The following THBS4 variants were observed in gnomAD, a reference collection of about 807,000 sequenced individuals.
The protein encoded by THBS4 is thrombospondin-4.
In THBS4, 90 loss-of-function variants were observed where a neutral mutation model predicts 115.7. The observed-to-expected ratio is 0.78, with a 90% CI of 0.66 to 0.93. The LOEUF (loss-of-function observed/expected upper bound fraction) is 0.93, where lower values mean the gene tolerates loss of function less well. Ranked by LOEUF, THBS4 falls within the 40% of genes least tolerant of loss-of-function variation. The probability of loss-of-function intolerance (pLI) is 0.00; values close to 1 mark genes in which losing one functional copy is unlikely to be tolerated. For synonymous variants in THBS4, 460 were observed against 479.3 expected (o/e 0.96, Z 0.53); for missense variants, 1,087 against 1,232.7 (o/e 0.88, Z 1.77).
Position 80,082,409 on chromosome 5 carries a change from A to G in THBS4, c.2688A>G (p.Val896=). The part of the protein sequence containing the change: ...QHRPQVGYIR[V]RFYEGSELVA... ...CCTCCGGCCGTGTTGTCCGCAGGGTACGATTTTATGAAGGCTCTGAGTTGG... is the reference window on the plus strand; with the variant it reads ...CCTCCGGCCGTGTTGTCCGCAGGGTGCGATTTTATGAAGGCTCTGAGTTGG... Residue 896 remains valine, a synonymous_variant, in exon 21 of 22, where the codon GTA becomes GTG. Coordinates refer to ENST00000350881, the MANE Select transcript of THBS4 (RefSeq NM_003248.6). 1 of 1,614,176 alleles carries G rather than the reference A, an allele frequency of 6.2e-7. No homozygotes were observed. Among genetic ancestry groups the G allele is most frequent in the Non-Finnish European group, 8.5e-7 (1 of 1,180,022 alleles).
intron 4 of THBS4, 130 bp downstream of exon 4, chr5:80,058,444 A>G: frequency 1.4e-6 from 1 of 696,402 alleles, no homozygotes; most frequent in Non-Finnish European, 2.4e-6. Context: ...TATGAAAATC[A>G]GTCTCTTGAA....
intron 2 of THBS4, among the ~76,000 whole-genome samples, chr5:80,046,338 T>G (rs1833065352): frequency 6.6e-6 from 1 of 152,222 alleles, no homozygotes; most frequent in African/African-American, 2.4e-5. Context: ...CATTGGGATA[T>G]TTAGTGAAGA....
Position 80,059,858 on chromosome 5 carries a change from C to G in THBS4, c.940C>G (p.Pro314Ala). The G allele has an allele frequency of 6.2e-7, 1 of 1,613,384 alleles. No homozygotes were observed. Among genetic ancestry groups the G allele is most frequent in the South Asian group, 1.1e-5 (1 of 91,002 alleles). The change falls in exon 7 of 22, where the codon CCC (proline) becomes GCC (alanine). Residue 314 changes from proline (P) to alanine (A), a missense_variant. Coordinates refer to ENST00000350881, the MANE Select transcript of THBS4 (RefSeq NM_003248.6). ...AGATGGCTTCCAGTGTGGGCCCTGC[C>G]CCGAGGGCTACACAGGAAACGGGAT... is the stretch of plus-strand genomic sequence containing the variant. ...SRDGFQCGPC[P>A]EGYTGNGITC...
At position 80,083,072 on chromosome 5, in the gene THBS4, T is replaced by G. The variant is rs1743610307; in HGVS notation, c.2825-8T>G. 1 of 1,613,654 alleles carries G rather than the reference T, an allele frequency of 6.2e-7. No homozygotes were observed. Among genetic ancestry groups the G allele is most frequent in the Non-Finnish European group, 8.5e-7 (1 of 1,179,510 alleles). ...TCGCTAACCTCCCTGTGCCCATTCC[T>G]ATTGCAGACACCATCCCTGAGGACT... On this transcript the variant is annotated splice_region_variant and splice_polypyrimidine_tract_variant and intron_variant, in intron 21 of 21. Transcript: ENST00000350881.
chr5:80,006,285 G>GA (rs1335416947), intron 2 of THBS4, among the ~76,000 whole-genome samples: 1 of 152,144 alleles, frequency 6.6e-6, no homozygotes, highest in Non-Finnish European at 1.5e-5. Flanking sequence ...TTGTGGGAGG[G>GA]ACCTGGTAGG....
chr5:80,040,592 A>T (rs1409357649), intron 2 of THBS4, among the ~76,000 whole-genome samples: 1 of 152,210 alleles, frequency 6.6e-6, no homozygotes, highest in African/African-American at 2.4e-5. Context: ...CAATTCAGCC[A>T]TTATCTTAGG....
At chr5:80,027,894 C>CAAAAA (rs1159986888) in intron 2 of THBS4, among the ~76,000 whole-genome samples, 18 of 47,688 alleles carry the variant, frequency 3.8e-4, no homozygotes, top group African/African-American at 8.4e-4. Context: ...ACCCTGTCTC[C>CAAAAA]AAAAAAAAAA....
At chr5:80,007,380 C>T (rs1357034364) in intron 2 of THBS4, among the ~76,000 whole-genome samples, 1 of 152,196 alleles carries the variant, frequency 6.6e-6, no homozygotes, top group Non-Finnish European at 1.5e-5. Context: ...GGTCTGCGGG[C>T]CTTCAAAGGG....
intron 1 of THBS4, chr5:80,036,270 A>T: frequency 6.7e-6 from 6 of 897,272 alleles, no homozygotes; most frequent in Non-Finnish European, 6.7e-6. Flanking sequence ...TCCTAAGTGG[A>T]TTAAGGCAGG....
Position 80,079,226 on chromosome 5 carries a change from C to T in THBS4, c.2479C>T (p.Arg827Ter), listed in dbSNP as rs767609886. The T allele has an allele frequency of 3.7e-6, 6 of 1,613,120 alleles. No homozygotes were observed. The highest frequency in any genetic ancestry group is 5.1e-6 in the Non-Finnish European group (6 of 1,179,480). Reference sequence around the variant, plus strand: ...GACATATTGGCAAGCCACCCCATTCCGAGCAGTTGCAGAACCTGGCATTCA... The same window carrying T: ...GACATATTGGCAAGCCACCCCATTCTGAGCAGTTGCAGAACCTGGCATTCA... ...EQTYWQATPF[R>*]AVAEPGIQLK... Residue 827 changes from arginine (R) to a stop codon, truncating the protein, a stop_gained, in exon 19 of 22, where the codon CGA (arginine) becomes TGA (stop). Transcript: ENST00000350881. LOFTEE classifies it high-confidence loss of function.
intron 2 of THBS4, among the ~76,000 whole-genome samples, chr5:80,017,055 T>C (rs992531477): frequency 2.6e-5 from 4 of 151,954 alleles, no homozygotes; most frequent in African/African-American, 9.7e-5. Flanking sequence ...TCAAGAAAAA[T>C]AAAAATAAAT....
intron 2 of THBS4, among the ~76,000 whole-genome samples, chr5:80,029,548 A>T (rs1192141820): frequency 6.6e-6 from 1 of 152,106 alleles, no homozygotes; most frequent in Non-Finnish European, 1.5e-5. Context: ...GTTAATGATA[A>T]TTTTTTTATA....
intron 2 of THBS4, among the ~76,000 whole-genome samples, chr5:80,027,894 C>CAA (rs1159986888): frequency 0.014 from 663 of 47,504 alleles, 18 homozygotes; most frequent in African/African-American, 0.047. Flanking sequence ...ACCCTGTCTC[C>CAA]AAAAAAAAAA....
chr5:80,043,398 C>T (rs1309899664), intron 2 of THBS4, among the ~76,000 whole-genome samples: 3 of 152,190 alleles, frequency 2.0e-5, no homozygotes, highest in Non-Finnish European at 2.9e-5. Flanking sequence ...ACATAATTCT[C>T]CCCACAACCC....
At chr5:79,999,882 G>T (rs555204220) in intron 2 of THBS4, among the ~76,000 whole-genome samples, 1 of 152,274 alleles carries the variant, frequency 6.6e-6, no homozygotes, top group East Asian at 1.9e-4. Flanking sequence ...CAAACTAAAA[G>T]AAATTAGCGT....
At chr5:80,047,721 C>T (rs1229366970) in intron 2 of THBS4, among the ~76,000 whole-genome samples, 1 of 151,482 alleles carries the variant, frequency 6.6e-6, no homozygotes, top group Non-Finnish European at 1.5e-5. Flanking sequence ...GCAACTTCCA[C>T]CTCCCAGGTT....
intron 3 of THBS4, among the ~76,000 whole-genome samples, chr5:80,057,525 A>G (rs992966847): frequency 2.6e-5 from 4 of 152,260 alleles, no homozygotes; most frequent in African/African-American, 9.6e-5. Context: ...TAGCTAAATC[A>G]AAAAGCAGAA....
At chr5:80,020,106 T>C (rs1430250392) in intron 2 of THBS4, among the ~76,000 whole-genome samples, 3 of 152,252 alleles carry the variant, frequency 2.0e-5, no homozygotes, top group Non-Finnish European at 4.4e-5. Flanking sequence ...GAGCGAATGC[T>C]GTCTCCTGTG....
intron 1 of THBS4, among the ~76,000 whole-genome samples, chr5:79,996,764 G>A (rs2151147885): frequency 6.6e-6 from 1 of 152,254 alleles, no homozygotes; most frequent in African/African-American, 2.4e-5. Context: ...ATTATAATCT[G>A]ACATTGTGCT....
Sources: allele counts gnomAD v4.1 joint callset (sites outside exome capture counted in the v4.1 genomes callset), GRCh38; gene constraint gnomAD v4.1.1; transcripts MANE v1.5; gene names NCBI Gene and HGNC (gene_info 2026-07-23, HGNC 2026-07-21).